CYRIB: variants seen among roughly 807,000 people sequenced by gnomAD.
The protein encoded by CYRIB is CYFIP-related Rac1 interactor B.
In CYRIB, 8 loss-of-function variants were observed where a neutral mutation model predicts 44.2. The observed-to-expected ratio is 0.18, with a 90% CI of 0.11 to 0.33. The LOEUF is 0.33. CYRIB is among the 10% of genes least tolerant of loss of function. The pLI, the probability that CYRIB is intolerant of heterozygous loss-of-function variation, is 1.00. For synonymous variants in CYRIB, 131 were observed against 127.2 expected (o/e 1.03, Z -0.20); for missense variants, 185 against 382.8 (o/e 0.48, Z 4.31).
At chr8:129,883,014 A>C (rs2134093107) in intron 2 of CYRIB, among the ~76,000 whole-genome samples, 1 of 149,386 alleles carries the variant, frequency 6.7e-6, no homozygotes, top group African/African-American at 2.5e-5. Flanking sequence ...TGGCCAACAC[A>C]GTGAAACCCC....
At chr8:129,923,040 A>C (rs212992) in intron 1 of CYRIB, among the ~76,000 whole-genome samples, 55,955 of 145,588 alleles carry the variant, frequency 0.38, 12,776 homozygotes, top group East Asian at 0.55. Context: ...GACCAGCCTG[A>C]CCATCAGGGG....
intron 2 of CYRIB, among the ~76,000 whole-genome samples, chr8:129,893,990 AAT>A (rs1326763264): frequency 6.6e-6 from 1 of 152,188 alleles, no homozygotes; most frequent in Non-Finnish European, 1.5e-5. Context: ...TTTCTCACTC[AAT>A]AGTTTTTAAA....
chr8:129,888,193 C>T (rs2063554829), intron 2 of CYRIB, among the ~76,000 whole-genome samples: 2 of 152,122 alleles, frequency 1.3e-5, no homozygotes, highest in African/African-American at 4.8e-5. Flanking sequence ...CTCATGAGAT[C>T]TGGTTCTTTT....
At chr8:129,921,085 T>C (rs1440264052) in intron 1 of CYRIB, among the ~76,000 whole-genome samples, 1 of 152,204 alleles carries the variant, frequency 6.6e-6, no homozygotes, top group East Asian at 1.9e-4. Flanking sequence ...TCATCAATAT[T>C]TATTTTAGCC....
intron 1 of CYRIB, among the ~76,000 whole-genome samples, chr8:129,913,119 C>A (rs556360454): frequency 2.6e-4 from 40 of 151,706 alleles, no homozygotes; most frequent in African/African-American, 7.8e-4. Context: ...CTACAGGCGC[C>A]GGCCACCACG....
chr8:129,874,318 T>C (rs1020304001), intron 3 of CYRIB, among the ~76,000 whole-genome samples: 2 of 152,040 alleles, frequency 1.3e-5, no homozygotes, highest in Admixed American at 6.6e-5. Flanking sequence ...TGAAGGTAAA[T>C]TAAAAATTTT....
chr8:129,965,837 T>C (rs1156950234), intron 2 of CYRIB, among the ~76,000 whole-genome samples: 4 of 151,830 alleles, frequency 2.6e-5, no homozygotes, highest in Admixed American at 2.0e-4. Context: ...TCGCTACTTT[T>C]TGTTTTTTGG....
intron 1 of CYRIB, among the ~76,000 whole-genome samples, chr8:130,011,931 A>G (rs1178280812): frequency 6.6e-6 from 1 of 152,030 alleles, no homozygotes; most frequent in Non-Finnish European, 1.5e-5. Context: ...CACGGATCCC[A>G]TGTCCACGTT....
intron 2 of CYRIB, among the ~76,000 whole-genome samples, chr8:129,963,125 G>A (rs2095339303): frequency 6.6e-6 from 1 of 152,170 alleles, no homozygotes; most frequent in Admixed American, 6.5e-5. Flanking sequence ...CCTCCTGCTA[G>A]AACCGCTGAC....
At chr8:129,948,953 T>C in intron 2 of CYRIB, 1 of 152,266 alleles carries the variant, frequency 6.6e-6, no homozygotes, top group South Asian at 2.1e-4. Context: ...TGTGAGCCTG[T>C]GGTCCCAGTT....
chr8:129,992,180 G>A (rs775839094), intron 1 of CYRIB, among the ~76,000 whole-genome samples: 1 of 151,838 alleles, frequency 6.6e-6, no homozygotes, highest in Admixed American at 6.6e-5. Context: ...AATTGGATAG[G>A]TGTGATGATG....
chr8:129,904,719 T>G (rs2074301411), intron 1 of CYRIB, 134 bp from the exon 3 acceptor site: 1 of 152,246 alleles, frequency 6.6e-6, no homozygotes, highest in Non-Finnish European at 1.5e-5. Context: ...TACGCTTTCT[T>G]GCACACCCCA....
At chr8:129,923,528 G>A (rs551563162) in intron 1 of CYRIB, among the ~76,000 whole-genome samples, 17 of 152,052 alleles carry the variant, frequency 1.1e-4, no homozygotes, top group Non-Finnish European at 2.4e-4. Context: ...ACCCACCTAA[G>A]CGTCCCAAAG....
At chr8:129,903,587 T>G (rs998895653) in intron 1 of CYRIB, among the ~76,000 whole-genome samples, 2 of 152,206 alleles carry the variant, frequency 1.3e-5, no homozygotes, top group African/African-American at 4.8e-5. Flanking sequence ...GACAACCCAG[T>G]TGTCACCGTC....
At chr8:130,014,530 G>A (rs562614415) in intron 1 of CYRIB, among the ~76,000 whole-genome samples, 5 of 152,176 alleles carry the variant, frequency 3.3e-5, no homozygotes, top group African/African-American at 1.2e-4. Context: ...TAGCACTTAC[G>A]GGGGTCGGGA....
intron 1 of CYRIB, among the ~76,000 whole-genome samples, chr8:130,015,067 T>C (rs1370704452): frequency 2.0e-5 from 3 of 152,300 alleles, no homozygotes; most frequent in African/African-American, 7.2e-5. Context: ...TTTAAGCCCT[T>C]TTTCACAAGG....
intron 4 of CYRIB, among the ~76,000 whole-genome samples, chr8:129,869,399 A>G (rs1165498386): frequency 1.3e-5 from 2 of 149,886 alleles, no homozygotes; most frequent in Non-Finnish European, 3.0e-5. Flanking sequence ...AAAAAAAAAA[A>G]AAAAATCAAA....
chr8:129,975,395 T>C (rs2095874940), intron 1 of CYRIB, among the ~76,000 whole-genome samples: 1 of 152,236 alleles, frequency 6.6e-6, no homozygotes, highest in African/African-American at 2.4e-5. Context: ...TGTGTCCTCC[T>C]AAACTGTTTT....
intron 1 of CYRIB, among the ~76,000 whole-genome samples, chr8:129,980,645 C>T (rs1384865431): frequency 2.9e-4 from 43 of 150,670 alleles, no homozygotes; most frequent in Non-Finnish European, 1.5e-5. Context: ...GCCTGGGCCA[C>T]GGAGTGAGAC....
Sources: allele counts gnomAD v4.1 joint callset (sites outside exome capture counted in the v4.1 genomes callset), GRCh38; gene constraint gnomAD v4.1.1; transcripts MANE v1.5; gene names NCBI Gene and HGNC (gene_info 2026-07-23, HGNC 2026-07-21).